The following ANK2 variants were observed in gnomAD, a reference collection of about 807,000 sequenced individuals.
ANK2 encodes ankyrin 2, also known as ankyrin-2.
In ANK2, 83 loss-of-function variants were observed where a neutral mutation model predicts 360.5. The observed-to-expected ratio is 0.23, with a 90% confidence interval of 0.19 to 0.28. The LOEUF is 0.28. Ranked by LOEUF, ANK2 falls within the 10% of genes least tolerant of loss-of-function variation. The pLI is 1.00. For missense variants in ANK2, 4,201 were observed against 4,795.7 expected (o/e 0.88, Z 3.66); for synonymous variants, 1,740 against 1,759.5 (o/e 0.99, Z 0.28).
At chr4:112,775,741 T>TA in the ANK2 span, among the ~76,000 whole-genome samples, 2 of 152,090 alleles carry the variant, frequency 1.3e-5, no homozygotes, top group Non-Finnish European at 2.9e-5. Context: ...GAGACCAACC[T>TA]AGCGGACATG....
chr4:112,718,825 C>T, the ANK2 span, among the ~76,000 whole-genome samples: 5 of 151,906 alleles, frequency 3.3e-5, no homozygotes, highest in African/African-American at 4.8e-5. Flanking sequence ...TTAGTAGAGA[C>T]GGGGTTTCTC....
intron 2 of ANK2, among the ~76,000 whole-genome samples, chr4:112,965,177 T>C (rs1398196417): frequency 5.3e-5 from 8 of 152,202 alleles, no homozygotes; most frequent in Admixed American, 3.3e-4. Context: ...TTGCCTCTCT[T>C]TTGGATAAAA....
chr4:113,146,057 A>G lies in ANK2; in HGVS notation c.85-28359A>G, dbSNP rs2096823480. On this transcript the variant is annotated intron_variant, in intron 1 of 45. Transcript: ENST00000357077. ...AGGGAGGATGGTGGCATAAGAATCA[A>G]CAGTAGACCTCATTGGTCAGACCTC... 3.1e-6 allele frequency: 4 copies of G among 1,285,786 alleles called. No homozygotes were observed. The South Asian group carries it at 3.7e-5, about 12-fold the overall frequency. 79.6% of individuals were successfully genotyped at this position (1,285,786 alleles called of 1,614,324 possible).
chr4:113,249,667 G>A, intron 9 of ANK2, 97 bp from the exon 10 acceptor site: 2 of 1,097,488 alleles, frequency 1.8e-6, no homozygotes, highest in Non-Finnish European at 2.7e-6. Context: ...TGAGTAATCA[G>A]GATTGAGTTT....
chr4:113,142,129 T>C (rs2096653821), intron 1 of ANK2, among the ~76,000 whole-genome samples: 1 of 152,230 alleles, frequency 6.6e-6, no homozygotes, highest in South Asian at 2.1e-4. Flanking sequence ...AGAAAGCATA[T>C]TCCTTGTCAG....
chr4:112,841,020 C>A (rs920941868), intron 1 of ANK2, among the ~76,000 whole-genome samples: 1 of 152,202 alleles, frequency 6.6e-6, no homozygotes, highest in Non-Finnish European at 1.5e-5. Flanking sequence ...ACAAGGAACA[C>A]TTCTGGAAGT....
chr4:112,889,150 G>T (rs2079222667), intron 1 of ANK2, among the ~76,000 whole-genome samples: 1 of 150,298 alleles, frequency 6.7e-6, no homozygotes. Context: ...TTCTCCTCTA[G>T]TTTGTTAAGC....
intron 26 of ANK2, chr4:113,323,857 T>A: frequency 6.7e-7 from 1 of 1,494,306 alleles, no homozygotes; most frequent in Non-Finnish European, 9.2e-7. Context: ...TTTCGCCATC[T>A]CCTTCTGCAT....
At chr4:112,907,599 A>T (rs2085684801) in intron 2 of ANK2, among the ~76,000 whole-genome samples, 1 of 152,184 alleles carries the variant, frequency 6.6e-6, no homozygotes, top group Admixed American at 6.5e-5. Context: ...AGGTGATCAC[A>T]ACTATATTGA....
chr4:112,711,593 G>A, the ANK2 span, among the ~76,000 whole-genome samples: 2 of 152,004 alleles, frequency 1.3e-5, no homozygotes, highest in Non-Finnish European at 2.9e-5. Context: ...AAGGTGTGTG[G>A]ATCACCTGAT....
At chr4:113,275,064 G>A (rs956563192) in intron 15 of ANK2, among the ~76,000 whole-genome samples, 1 of 152,150 alleles carries the variant, frequency 6.6e-6, no homozygotes, top group African/African-American at 2.4e-5. Flanking sequence ...GTACCAGATC[G>A]AAGCTCAATT....
the ANK2 span, among the ~76,000 whole-genome samples, chr4:112,719,621 G>C: frequency 2.7e-4 from 41 of 151,768 alleles, no homozygotes; most frequent in African/African-American, 9.7e-4. Context: ...CAAGCTACTC[G>C]GGAGGCTGAG....
intron 1 of ANK2, among the ~76,000 whole-genome samples, chr4:112,839,998 A>G (rs13111602): frequency 0.57 from 85,963 of 152,058 alleles, 25,319 homozygotes; most frequent in East Asian, 0.94. Flanking sequence ...TTCGATAATA[A>G]TTGTGATTCA....
chr4:112,824,621 C>T (rs555357272), intron 1 of ANK2, among the ~76,000 whole-genome samples: 12 of 151,974 alleles, frequency 7.9e-5, no homozygotes, highest in Non-Finnish European at 1.0e-4. Context: ...TCTCCTGCCT[C>T]GCCTCCCAGG....
chr4:113,169,115 A>G (rs1234941421), intron 1 of ANK2, among the ~76,000 whole-genome samples: 1 of 152,218 alleles, frequency 6.6e-6, no homozygotes, highest in Non-Finnish European at 1.5e-5. Flanking sequence ...CCCTCACAAG[A>G]AAAGCCACTA....
At chr4:112,964,461 G>A (rs1266307961) in intron 2 of ANK2, among the ~76,000 whole-genome samples, 1 of 151,894 alleles carries the variant, frequency 6.6e-6, no homozygotes, top group Non-Finnish European at 1.5e-5. Context: ...ATTTCACTTA[G>A]CATAATGACC....
the ANK2 span, among the ~76,000 whole-genome samples, chr4:112,737,776 A>T: frequency 6.6e-6 from 1 of 152,156 alleles, no homozygotes. Context: ...TAGTCGAAGG[A>T]GTTGGACTAT....
At chr4:113,038,829 G>T (rs1211885369) in intron 2 of ANK2, among the ~76,000 whole-genome samples, 1 of 152,000 alleles carries the variant, frequency 6.6e-6, no homozygotes, top group Non-Finnish European at 1.5e-5. Context: ...CACATGGGAA[G>T]AGAGAGAGAG....
intron 2 of ANK2, among the ~76,000 whole-genome samples, chr4:112,996,236 A>G (rs1200081411): frequency 6.6e-6 from 1 of 152,194 alleles, no homozygotes; most frequent in Non-Finnish European, 1.5e-5. Context: ...ATAGTGGCAG[A>G]AAGCAAATCA....
Sources: gnomAD v4.1 joint callset for allele counts (sites outside exome capture counted in the v4.1 genomes callset) on GRCh38, gnomAD v4.1.1 for gene constraint, MANE v1.5 for transcripts, NCBI Gene and HGNC (gene_info 2026-07-23, HGNC 2026-07-21) for gene names.